The following GRID1 variants were observed in gnomAD, a reference collection of about 807,000 sequenced individuals.
GRID1 encodes the protein glutamate receptor ionotropic, delta-1.
A neutral mutation model predicts 98.0 loss-of-function variants in GRID1; 28 were observed. That is an observed-to-expected ratio of 0.29 (90% CI 0.21 to 0.39). The LOEUF is 0.39. Ranked by LOEUF, GRID1 falls within the 10% of genes least tolerant of loss-of-function variation. The probability of loss-of-function intolerance (pLI) is 1.00; values close to 1 mark genes in which losing one functional copy is unlikely to be tolerated. For synonymous variants in GRID1, 553 were observed against 538.5 expected (o/e 1.03, Z -0.37); for missense variants, 1,111 against 1,340.5 (o/e 0.83, Z 2.67).
intron 12 of GRID1, among the ~76,000 whole-genome samples, chr10:85,683,444 T>C (rs1841233649): frequency 6.6e-6 from 1 of 152,334 alleles, no homozygotes; most frequent in South Asian, 2.1e-4. Flanking sequence ...TTTAGAGCTC[T>C]TAGATTTGGC....
intron 2 of GRID1, among the ~76,000 whole-genome samples, chr10:86,221,888 T>C (rs1846259260): frequency 8.1e-6 from 1 of 123,558 alleles, no homozygotes; most frequent in Non-Finnish European, 1.8e-5. Flanking sequence ...CCCCTCCCCC[T>C]CCTCCTCCTT....
At chr10:85,764,075 T>C (rs562195437) in intron 8 of GRID1, among the ~76,000 whole-genome samples, 24 of 152,312 alleles carry the variant, frequency 1.6e-4, no homozygotes, top group African/African-American at 5.8e-4. Flanking sequence ...TTTCTGCCTG[T>C]AAAACTCCAG....
chr10:85,978,732 C>T (rs550611611), intron 4 of GRID1, among the ~76,000 whole-genome samples: 1 of 152,298 alleles, frequency 6.6e-6, no homozygotes, highest in African/African-American at 2.4e-5. Context: ...GAAGAAAATG[C>T]CCCAGTGAGG....
intron 13 of GRID1, among the ~76,000 whole-genome samples, chr10:85,625,436 C>T (rs769234554): frequency 1.3e-5 from 2 of 152,178 alleles, no homozygotes; most frequent in South Asian, 2.1e-4. Context: ...TTTCATTCTC[C>T]GCTTTTCCTA....
rs536276135 is a variant in GRID1, at chr10:85,772,711, T to A, written c.1234-43097A>T. Among the ~76,000 whole-genome samples the A allele has an allele frequency of 9.9e-5, 15 of 152,264 alleles. No homozygotes were observed. The South Asian group carries it at 2.7e-3, about 27-fold the overall frequency. On this transcript the variant is annotated intron_variant, in intron 8 of 15. Coordinates refer to ENST00000327946, the MANE Select transcript of GRID1 (RefSeq NM_017551.3). ...TATAAACACCTCTACGCAAATAAACTAGAAAATCTAGAAGAAATGGATAAA... is the reference window on the plus strand; with the variant it reads ...TATAAACACCTCTACGCAAATAAACAAGAAAATCTAGAAGAAATGGATAAA...
intron 3 of GRID1, among the ~76,000 whole-genome samples, chr10:86,204,958 C>T (rs1212307070): frequency 7.0e-6 from 1 of 142,944 alleles, no homozygotes; most frequent in Non-Finnish European, 1.5e-5. Flanking sequence ...ACAAAATCTC[C>T]AACTCCTCAC....
chr10:86,317,811 G>C (rs1847919769), intron 2 of GRID1, among the ~76,000 whole-genome samples: 2 of 152,102 alleles, frequency 1.3e-5, no homozygotes, highest in Admixed American at 1.3e-4. Flanking sequence ...AACAATCATA[G>C]CTCATTGCAG....
chr10:85,772,539 T>G (rs1842282658), intron 8 of GRID1, among the ~76,000 whole-genome samples: 1 of 151,896 alleles, frequency 6.6e-6, no homozygotes, highest in African/African-American at 2.4e-5. Flanking sequence ...CAGGAGCTGG[T>G]TTTTTGAAAG....
intron 2 of GRID1, among the ~76,000 whole-genome samples, chr10:86,305,107 G>GGA (rs1483495412): frequency 2.1e-5 from 3 of 143,804 alleles, no homozygotes; most frequent in Non-Finnish European, 3.0e-5. Flanking sequence ...AAGGGCTTAA[G>GGA]GAAAAAAAAA....
intron 13 of GRID1, among the ~76,000 whole-genome samples, chr10:85,621,290 C>G (rs1842856967): frequency 6.6e-6 from 1 of 152,174 alleles, no homozygotes; most frequent in African/African-American, 2.4e-5. Context: ...AGTGACAGCA[C>G]TGAAACATCA....
At chr10:86,037,631 G>T (rs1843285327) in intron 4 of GRID1, among the ~76,000 whole-genome samples, 1 of 152,154 alleles carries the variant, frequency 6.6e-6, no homozygotes, top group African/African-American at 2.4e-5. Context: ...CCAGGGACAG[G>T]CCTAGTATTA....
chr10:85,718,505 T>C (rs1187495900), intron 12 of GRID1, among the ~76,000 whole-genome samples: 2 of 152,248 alleles, frequency 1.3e-5, no homozygotes, highest in Non-Finnish European at 2.9e-5. Context: ...TCTTCTGAAA[T>C]CTAGGCAGAG....
intron 3 of GRID1, among the ~76,000 whole-genome samples, chr10:86,188,626 G>T (rs535643300): frequency 4.6e-5 from 7 of 152,180 alleles, no homozygotes; most frequent in Non-Finnish European, 8.8e-5. Flanking sequence ...CCTCTCTCTC[G>T]GGGCCCGAGC....
At position 86,227,329 on chromosome 10, in the gene GRID1, C is replaced by T. The variant is rs142203070; in HGVS notation, c.236-20681G>A. On this transcript the variant is annotated intron_variant, in intron 2 of 15. Coordinates refer to ENST00000327946, the MANE Select transcript of GRID1 (RefSeq NM_017551.3). ...GTGGCCCATGAGACCAGCATTAAGGCAGGGGTGGTGGAGAGCTCATAGTAC... is the reference window on the plus strand; with the variant it reads ...GTGGCCCATGAGACCAGCATTAAGGTAGGGGTGGTGGAGAGCTCATAGTAC... 1.5e-3 allele frequency among the ~76,000 whole-genome samples: 234 copies of T among 152,294 alleles called. 4 individuals carry two copies. The East Asian group carries it at 0.032, about 21-fold the overall frequency.
At chr10:86,128,955 C>G (rs144242154) in intron 4 of GRID1, among the ~76,000 whole-genome samples, 113 of 152,316 alleles carry the variant, frequency 7.4e-4, no homozygotes, top group Non-Finnish European at 1.4e-3. Flanking sequence ...AGTATTGACT[C>G]CATTGAGCAG....
intron 8 of GRID1, among the ~76,000 whole-genome samples, chr10:85,741,765 A>G (rs1841945406): frequency 6.6e-6 from 1 of 152,204 alleles, no homozygotes; most frequent in East Asian, 1.9e-4. Flanking sequence ...AGACTCACCA[A>G]GACCTGATCC....
intron 8 of GRID1, among the ~76,000 whole-genome samples, chr10:85,847,299 G>A (rs1216974788): frequency 6.6e-6 from 1 of 152,168 alleles, no homozygotes; most frequent in African/African-American, 2.4e-5. Flanking sequence ...GAATAGCCAA[G>A]TTGAGATATG....
intron 4 of GRID1, among the ~76,000 whole-genome samples, chr10:86,030,899 T>C (rs1843177257): frequency 6.6e-6 from 1 of 152,164 alleles, no homozygotes; most frequent in Non-Finnish European, 1.5e-5. Context: ...TTCAAGATGG[T>C]GGCTCCATCT....
intron 5 of GRID1, among the ~76,000 whole-genome samples, chr10:85,885,293 C>T (rs1158778702): frequency 6.6e-6 from 1 of 152,156 alleles, no homozygotes; most frequent in Non-Finnish European, 1.5e-5. Context: ...ATAGTGTGCA[C>T]TAAGGAAGGG....
Sources: gnomAD v4.1 joint callset for allele counts (sites outside exome capture counted in the v4.1 genomes callset) on GRCh38, gnomAD v4.1.1 for gene constraint, MANE v1.5 for transcripts, NCBI Gene and HGNC (gene_info 2026-07-23, HGNC 2026-07-21) for gene names.